APPL1: variants seen among roughly 807,000 people sequenced by gnomAD.
APPL1 encodes adaptor protein, phosphotyrosine interacting with PH domain and leucine zipper 1, also known as DCC-interacting protein 13-alpha.
In APPL1, 42 loss-of-function variants were observed where a neutral mutation model predicts 106.8. The observed-to-expected ratio is 0.39, with a 90% confidence interval of 0.31 to 0.51. APPL1 has a LOEUF of 0.51. Ranked by LOEUF, APPL1 falls within the 20% of genes least tolerant of loss-of-function variation. APPL1 has a pLI of 0.75. For synonymous variants in APPL1, 263 were observed against 281.8 expected (o/e 0.93, Z 0.67); for missense variants, 769 against 858.2 (o/e 0.90, Z 1.30).
chr3:57,264,856 C>T (rs2060886285), intron 19 of APPL1, among the ~76,000 whole-genome samples: 1 of 149,976 alleles, frequency 6.7e-6, no homozygotes, highest in Non-Finnish European at 1.5e-5. Flanking sequence ...AGCTCTGTAG[C>T]ATTGTAATTT....
At chr3:57,249,339 G>A (rs1254838161) in intron 10 of APPL1, 21 bp from the exon 11 acceptor site, 33 of 1,613,366 alleles carry the variant, frequency 2.0e-5, no homozygotes, top group Non-Finnish European at 2.5e-5. Context: ...ATTAAAGAGT[G>A]AATGTGCTTT....
chr3:57,261,699 T>A (rs1036524405), intron 19 of APPL1, among the ~76,000 whole-genome samples: 1 of 152,068 alleles, frequency 6.6e-6, no homozygotes, highest in African/African-American at 2.4e-5. Flanking sequence ...TTTGTATTTT[T>A]AGTAGAGACG....
At chr3:57,248,432 G>C (rs1186324053) in intron 10 of APPL1, 81 bp downstream of exon 10, 1 of 1,442,928 alleles carries the variant, frequency 6.9e-7, no homozygotes, top group Non-Finnish European at 9.3e-7. Flanking sequence ...ATTGATGTCT[G>C]TCATATTTTG....
intron 1 of APPL1, among the ~76,000 whole-genome samples, chr3:57,232,784 C>T (rs531135792): frequency 6.6e-6 from 1 of 152,080 alleles, no homozygotes; most frequent in Admixed American, 6.6e-5. Context: ...GGGCAGATCA[C>T]AAGGTCAGGA....
chr3:57,262,323 A>G (rs2060870598), intron 19 of APPL1, among the ~76,000 whole-genome samples: 2 of 149,352 alleles, frequency 1.3e-5, no homozygotes, highest in African/African-American at 4.9e-5. Context: ...TGCCGAGACC[A>G]ATGTGCAGGA....
At chr3:57,251,742 T>C (rs1427536314) in intron 11 of APPL1, among the ~76,000 whole-genome samples, 2 of 152,116 alleles carry the variant, frequency 1.3e-5, no homozygotes, top group East Asian at 1.9e-4. Context: ...TTACCATGAT[T>C]TCCCATTTCA....
rs553896380 is a variant in APPL1 at position 57,259,160 on chromosome 3, C to A, written c.1483+80C>A. The A allele has an allele frequency of 3.2e-6, 4 of 1,234,712 alleles. No homozygotes were observed. In the East Asian group the frequency reaches 9.5e-5, roughly 29 times the overall value. The allele number at this position is 1,234,712 out of a possible 1,614,324, so 76.5% of individuals were successfully genotyped here. A position where few individuals can be genotyped will look rare whatever the true frequency, so the allele number is the denominator to read the frequency against. ...GAATAATTTATTGTTTATATTTGCT[C>A]TGCTACTAAGCTCAGTTTTAATGCT... On this transcript the variant is annotated intron_variant, in intron 16 of 21. Transcript: ENST00000288266.
chr3:57,253,845 T>C, intron 13 of APPL1, 107 bp downstream of exon 13: 1 of 965,616 alleles, frequency 1.0e-6, no homozygotes, highest in South Asian at 2.5e-5. Flanking sequence ...TTTTTTAATT[T>C]GACCTTGAAT....
chr3:57,230,227 CACTTT>C (rs1045018885), intron 1 of APPL1, among the ~76,000 whole-genome samples: 2 of 149,022 alleles, frequency 1.3e-5, no homozygotes, highest in African/African-American at 5.2e-5. Context: ...TCATCACTGC[CACTTT>C]ACTACCTTCT....
chr3:57,235,839 C>T (rs532279250), intron 2 of APPL1, among the ~76,000 whole-genome samples, 175 bp downstream of exon 2: 1 of 152,246 alleles, frequency 6.6e-6, no homozygotes, highest in Non-Finnish European at 1.5e-5. Flanking sequence ...GACATTTCAA[C>T]TACTAGTGTA....
At chr3:57,252,377 T>C (rs1211770992) in intron 12 of APPL1, 66 bp downstream of exon 12, 1 of 1,165,960 alleles carries the variant, frequency 8.6e-7, no homozygotes, top group Non-Finnish European at 1.2e-6. Flanking sequence ...ACAAAACATA[T>C]ATTAATGTGT....
intron 19 of APPL1, among the ~76,000 whole-genome samples, chr3:57,262,429 G>T (rs539526728): frequency 1.8e-3 from 99 of 55,758 alleles, no homozygotes; most frequent in Non-Finnish European, 1.5e-3. Flanking sequence ...CTCTTGCTCT[G>T]TTGCCCAGGC....
intron 1 of APPL1, chr3:57,230,787 T>C: frequency 2.2e-6 from 1 of 457,056 alleles, no homozygotes; most frequent in Admixed American, 2.5e-5. Flanking sequence ...TTGTTTTTTT[T>C]TTGAGACAGA....
chr3:57,257,845 T>G (rs1351807417), intron 15 of APPL1, among the ~76,000 whole-genome samples: 2 of 152,214 alleles, frequency 1.3e-5, no homozygotes, highest in Non-Finnish European at 2.9e-5. Flanking sequence ...ATTATCACTA[T>G]TATGAATTAT....
chr3:57,250,554 A>G (rs969877074), intron 11 of APPL1, among the ~76,000 whole-genome samples: 17 of 152,190 alleles, frequency 1.1e-4, no homozygotes, highest in African/African-American at 7.2e-5. Flanking sequence ...TTATTAATCA[A>G]AAGCGACAAT....
At chr3:57,262,833 TG>T (rs2060874239) in intron 19 of APPL1, among the ~76,000 whole-genome samples, 1 of 136,444 alleles carries the variant, frequency 7.3e-6, no homozygotes, top group African/African-American at 2.7e-5. Flanking sequence ...TGTGTGTGTG[TG>T]TGTGTGTGTG....
rs1006875232 is a variant in APPL1, at chr3:57,238,278, C to A, written c.285+162C>A. 3 of 534,552 alleles carry A rather than the reference C, an allele frequency of 5.6e-6. No homozygotes were observed. The African/African-American group carries it at 5.8e-5, about 10-fold the overall frequency. 33.1% of individuals were successfully genotyped at this position (534,552 alleles called of 1,614,324 possible). A position where few individuals can be genotyped will look rare whatever the true frequency, so the allele number is the denominator to read the frequency against. On this transcript the variant is annotated intron_variant, in intron 4 of 21. Coordinates refer to ENST00000288266, the MANE Select transcript of APPL1 (RefSeq NM_012096.3). ...GCTCATCAAAACAATACTTTCTTTACCTGATTAAACATTGTTTTCCAGGAA... is the reference window on the plus strand; with the variant it reads ...GCTCATCAAAACAATACTTTCTTTAACTGATTAAACATTGTTTTCCAGGAA...
chr3:57,267,816 G>C (rs2060903604), intron 20 of APPL1, 24 bp downstream of exon 20: 1 of 1,612,232 alleles, frequency 6.2e-7, no homozygotes, highest in African/African-American at 1.3e-5. Flanking sequence ...ATGTGGCTGG[G>C]CACAGTGGTT....
intron 7 of APPL1, 71 bp from the exon 8 acceptor site, chr3:57,246,005 T>G: frequency 1.7e-6 from 2 of 1,157,024 alleles, no homozygotes; most frequent in Non-Finnish European, 2.3e-6. Flanking sequence ...CAGCTCCTAC[T>G]GAAGATAATA....
Sources: allele counts gnomAD v4.1 joint callset (sites outside exome capture counted in the v4.1 genomes callset), GRCh38; gene constraint gnomAD v4.1.1; transcripts MANE v1.5; gene names NCBI Gene and HGNC (gene_info 2026-07-23, HGNC 2026-07-21).